The following CSMD3 variants were observed in gnomAD, a reference collection of about 807,000 sequenced individuals.
CSMD3 encodes CUB and Sushi multiple domains 3.
A neutral mutation model predicts 435.2 loss-of-function variants in CSMD3; 177 were observed. The ratio of observed to expected loss-of-function variants is 0.41; its 90% CI spans 0.36 to 0.46. CSMD3 has a LOEUF of 0.46. Among genes scored for constraint, CSMD3 ranks in the 20% least tolerant of loss-of-function variants. The pLI is 0.34. For synonymous variants in CSMD3, 1,656 were observed against 1,520.5 expected (o/e 1.09, Z -2.07); for missense variants, 4,265 against 4,504.6 (o/e 0.95, Z 1.52).
intron 5 of CSMD3, among the ~76,000 whole-genome samples, chr8:113,021,352 T>G (rs1042991281): frequency 1.3e-5 from 2 of 152,230 alleles, no homozygotes; most frequent in Non-Finnish European, 2.9e-5. Context: ...TGGATTTGTT[T>G]CAATTATATT....
chr8:112,522,082 G>C (rs923245384), intron 27 of CSMD3, among the ~76,000 whole-genome samples: 25 of 151,636 alleles, frequency 1.6e-4, no homozygotes, highest in African/African-American at 5.8e-4. Flanking sequence ...AATAAAATGA[G>C]TTTTTCTATC....
chr8:113,336,143 T>C (rs2094072622), intron 1 of CSMD3, among the ~76,000 whole-genome samples: 1 of 152,138 alleles, frequency 6.6e-6, no homozygotes. Flanking sequence ...GATTGAGTAA[T>C]TTATTTTCTG....
At chr8:112,733,375 T>G (rs1286889547) in intron 13 of CSMD3, among the ~76,000 whole-genome samples, 1 of 137,358 alleles carries the variant, frequency 7.3e-6, no homozygotes, top group Non-Finnish European at 1.5e-5. Flanking sequence ...CATAAGTGCT[T>G]GTTAGTTTTT....
At chr8:112,324,491 A>G (rs928419917) in intron 45 of CSMD3, among the ~76,000 whole-genome samples, 2 of 152,084 alleles carry the variant, frequency 1.3e-5, no homozygotes, top group Non-Finnish European at 2.9e-5. Context: ...TAAGCAAAGC[A>G]GACAGAAGCC....
At chr8:112,383,748 G>C (rs907810846) in intron 36 of CSMD3, 85 bp from the exon 37 acceptor site, 4 of 879,932 alleles carry the variant, frequency 4.5e-6, no homozygotes, top group South Asian at 4.0e-5. Flanking sequence ...TTGGAAAAGA[G>C]AGTTCAAATC....
intron 4 of CSMD3, among the ~76,000 whole-genome samples, chr8:113,168,413 T>C (rs2092196663): frequency 1.4e-5 from 2 of 144,592 alleles, no homozygotes; most frequent in Non-Finnish European, 3.0e-5. Context: ...CCCAGCTACT[T>C]GGGAGGCTGA....
At chr8:112,418,486 A>C (rs565899003) in intron 32 of CSMD3, among the ~76,000 whole-genome samples, 11 of 152,264 alleles carry the variant, frequency 7.2e-5, no homozygotes, top group Admixed American at 5.9e-4. Context: ...TTATTGTATA[A>C]ATAGCTACAA....
intron 1 of CSMD3, among the ~76,000 whole-genome samples, chr8:113,389,448 C>A (rs1051461605): frequency 6.6e-6 from 1 of 151,260 alleles, no homozygotes; most frequent in Non-Finnish European, 1.5e-5. Context: ...AAAAATAGAG[C>A]AATTACAAAA....
chr8:113,208,377 C>T (rs558384382), intron 3 of CSMD3, among the ~76,000 whole-genome samples: 1 of 152,246 alleles, frequency 6.6e-6, no homozygotes, highest in East Asian at 1.9e-4. Context: ...TCAGTATCCT[C>T]TTCCATACAA....
At chr8:112,493,417 T>C in intron 30 of CSMD3, among the ~76,000 whole-genome samples, 1 of 152,108 alleles carries the variant, frequency 6.6e-6, no homozygotes, top group Non-Finnish European at 1.5e-5. Context: ...TTTCTTCCTA[T>C]GTTGAGCTCA....
chr8:112,631,399 C>G (rs1013408212), intron 22 of CSMD3, among the ~76,000 whole-genome samples: 1 of 151,978 alleles, frequency 6.6e-6, no homozygotes, highest in Non-Finnish European at 1.5e-5. Flanking sequence ...AGTTTGCCCA[C>G]CCCTGGTCTA....
intron 48 of CSMD3, 141 bp from the exon 49 acceptor site, chr8:112,314,193 T>C (rs1306375784): frequency 2.6e-6 from 2 of 758,070 alleles, no homozygotes; most frequent in African/African-American, 3.5e-5. Context: ...ATTGAAAACA[T>C]AAAATGTTTG....
chr8:112,945,796 C>T (rs995352905), intron 9 of CSMD3, among the ~76,000 whole-genome samples: 4 of 151,564 alleles, frequency 2.6e-5, no homozygotes, highest in African/African-American at 7.3e-5. Context: ...CTCCTATTTA[C>T]GCTCTATAAT....
intron 5 of CSMD3, among the ~76,000 whole-genome samples, chr8:113,075,000 T>C (rs1248419146): frequency 6.6e-6 from 1 of 151,764 alleles, no homozygotes; most frequent in Non-Finnish European, 1.5e-5. Context: ...TATGATAATT[T>C]TTTGTAGGCT....
At chr8:113,320,265 T>G (rs1010882659) in intron 1 of CSMD3, among the ~76,000 whole-genome samples, 2 of 152,066 alleles carry the variant, frequency 1.3e-5, no homozygotes, top group Non-Finnish European at 2.9e-5. Context: ...TTTCAGACCT[T>G]ATCTTTTAAT....
chr8:112,597,358 A>C (rs1317200948), intron 22 of CSMD3, among the ~76,000 whole-genome samples: 26 of 151,226 alleles, frequency 1.7e-4, no homozygotes, highest in East Asian at 1.2e-3. Flanking sequence ...CAGGAGCTGA[A>C]ATTGTGGCAA....
At chr8:113,000,259 A>T (rs1857717) in intron 6 of CSMD3, among the ~76,000 whole-genome samples, 88,779 of 151,870 alleles carry the variant, frequency 0.58, 27,160 homozygotes, top group East Asian at 0.95. Context: ...TGACTTCCAC[A>T]AATCATAGGG....
intron 3 of CSMD3, among the ~76,000 whole-genome samples, chr8:113,214,459 G>A (rs2092877383): frequency 6.6e-6 from 1 of 151,880 alleles, no homozygotes; most frequent in Non-Finnish European, 1.5e-5. Flanking sequence ...CATTTATGAA[G>A]AATCTATAAG....
intron 12 of CSMD3, among the ~76,000 whole-genome samples, chr8:112,824,349 C>T (rs867661455): frequency 4.6e-5 from 7 of 152,070 alleles, no homozygotes; most frequent in African/African-American, 7.2e-5. Flanking sequence ...GTCATCATGA[C>T]GCTATCTGGT....
Sources: gnomAD v4.1 joint callset for allele counts (sites outside exome capture counted in the v4.1 genomes callset) on GRCh38, gnomAD v4.1.1 for gene constraint, MANE v1.5 for transcripts, NCBI Gene and HGNC (gene_info 2026-07-23, HGNC 2026-07-21) for gene names.